Variants in MALRD1 observed in about 807,000 individuals in gnomAD.
MALRD1 encodes MAM and LDL-receptor class A domain-containing protein 1.
Under a neutral mutation model 242.1 loss-of-function variants are expected in MALRD1, and 247 were observed. The observed-to-expected ratio is 1.02, with a 90% confidence interval of 0.92 to 1.13. The LOEUF is 1.13. Ranked by LOEUF, MALRD1 falls within the 50% of genes most tolerant of loss-of-function variation. The probability of loss-of-function intolerance (pLI) is 0.00; values close to 1 mark genes in which losing one functional copy is unlikely to be tolerated. For missense variants in MALRD1, 2,989 were observed against 2,533.1 expected, an observed-to-expected ratio of 1.18 and a Z score of -3.86; for synonymous variants, 995 against 866.6, an observed-to-expected ratio of 1.15 and a Z score of -2.60.
At chr10:19,494,491 A>G (rs1589154910) in intron 30 of MALRD1, among the ~76,000 whole-genome samples, 1 of 152,166 alleles carries the variant, frequency 6.6e-6, no homozygotes, top group Non-Finnish European at 1.5e-5. Flanking sequence ...TACTATTGAG[A>G]TTCAGGAGGA....
At chr10:19,331,662 C>A in intron 24 of MALRD1, 80 bp downstream of exon 24, 1 of 1,162,086 alleles carries the variant, frequency 8.6e-7, no homozygotes. Context: ...ATTGTTGAAA[C>A]ATGCAGAGTG....
chr10:19,529,546 A>AG (rs71388844), intron 31 of MALRD1, among the ~76,000 whole-genome samples: 99,981 of 128,172 alleles, frequency 0.78, 38,424 homozygotes, highest in Non-Finnish European at 0.84. Flanking sequence ...AAAAAACAGG[A>AG]GGGGGGGGGA....
intron 21 of MALRD1, among the ~76,000 whole-genome samples, chr10:19,298,958 T>C (rs140611778): frequency 1.3e-5 from 2 of 151,948 alleles, no homozygotes; most frequent in African/African-American, 4.8e-5. Context: ...TAGAATTCTA[T>C]ACCTGGTAAA....
At chr10:19,527,873 C>T (rs939080023) in intron 31 of MALRD1, among the ~76,000 whole-genome samples, 3 of 152,250 alleles carry the variant, frequency 2.0e-5, no homozygotes, top group Admixed American at 6.5e-5. Flanking sequence ...TAGAAATTCT[C>T]AAGTGTGTAA....
chr10:19,445,968 T>C (rs1334081045), intron 28 of MALRD1, among the ~76,000 whole-genome samples: 1 of 152,134 alleles, frequency 6.6e-6, no homozygotes, highest in Non-Finnish European at 1.5e-5. Context: ...TCCTGGTCGC[T>C]TTGTTTACCT....
At chr10:19,329,885 A>C (rs1233007741) in intron 23 of MALRD1, among the ~76,000 whole-genome samples, 1 of 152,182 alleles carries the variant, frequency 6.6e-6, no homozygotes, top group Admixed American at 6.6e-5. Flanking sequence ...TGATTATTTG[A>C]ACAAGGCAAG....
At position 19,355,099 on chromosome 10, in the gene MALRD1, G is replaced by A. The variant is rs532170383; in HGVS notation, c.4441+2802G>A. 3.9e-5 allele frequency among the ~76,000 whole-genome samples: 6 copies of A among 152,148 alleles called. 1 individual carries two copies. In the South Asian group the frequency reaches 1.2e-3, roughly 32 times the overall value. On this transcript the variant is annotated intron_variant, in intron 26 of 39. Coordinates refer to ENST00000454679, the MANE Select transcript of MALRD1 (RefSeq NM_001142308.3). Reference sequence around the variant, plus strand: ...CAGGGGCAGTGGAATTTGAGCCCTGGAGGACCAGATAAAGGATATGGTTGT... The same window carrying A: ...CAGGGGCAGTGGAATTTGAGCCCTGAAGGACCAGATAAAGGATATGGTTGT...
intron 29 of MALRD1, among the ~76,000 whole-genome samples, chr10:19,456,790 T>TA (rs35828221): frequency 1.4e-5 from 2 of 145,068 alleles, no homozygotes; most frequent in Non-Finnish European, 2.9e-5. Flanking sequence ...TTTATTTATT[T>TA]TGAGACAGAG....
rs947322733 is a variant in MALRD1, at chr10:19,450,402, T to A, written c.4941T>A (p.Asn1647Lys). Residue 1647 changes from asparagine to lysine, a missense_variant, in exon 29 of 40, where the codon AAT becomes AAA. Asn to Lys is a moderately conservative substitution (Grantham distance 94). Coordinates refer to ENST00000454679, the MANE Select transcript of MALRD1 (RefSeq NM_001142308.3). ...KADILLGKLR[N>K]FEVIFQGIRT... Reference sequence around the variant, plus strand: ...ACATCCTGCTAGGAAAGTTAAGGAATTTTGAAGTCATATTTCAAGGTATCA... The same window carrying A: ...ACATCCTGCTAGGAAAGTTAAGGAAATTTGAAGTCATATTTCAAGGTATCA... 37 of 1,550,498 alleles carry A rather than the reference T, an allele frequency of 2.4e-5. No homozygotes were observed. The highest frequency in any genetic ancestry group is 3.2e-5 in the Non-Finnish European group (37 of 1,146,960).
chr10:19,564,549 A>G (rs1721804856), intron 32 of MALRD1, among the ~76,000 whole-genome samples: 2 of 152,038 alleles, frequency 1.3e-5, no homozygotes, highest in South Asian at 4.1e-4. Flanking sequence ...TAAAATGTTG[A>G]CAGTTAATAT....
chr10:19,699,449 G>A (rs1167403933), intron 38 of MALRD1, among the ~76,000 whole-genome samples: 1 of 152,036 alleles, frequency 6.6e-6, no homozygotes, highest in Non-Finnish European at 1.5e-5. Flanking sequence ...GGAACTGTAG[G>A]GTTGTTCAGG....
intron 2 of MALRD1, among the ~76,000 whole-genome samples, chr10:19,086,875 A>G (rs2358302): frequency 0.59 from 90,048 of 151,746 alleles, 27,812 homozygotes; most frequent in African/African-American, 0.78. Context: ...TGCTTATCTG[A>G]GAGGGAGAGT....
At chr10:19,702,392 A>G (rs1023044704) in intron 38 of MALRD1, among the ~76,000 whole-genome samples, 3 of 152,124 alleles carry the variant, frequency 2.0e-5, no homozygotes, top group Admixed American at 6.6e-5. Context: ...TACCAGGCAA[A>G]TATTTCCTGC....
intron 26 of MALRD1, among the ~76,000 whole-genome samples, chr10:19,352,717 G>T (rs543632636): frequency 6.6e-6 from 1 of 152,272 alleles, no homozygotes; most frequent in African/African-American, 2.4e-5. Context: ...CATGGACCAT[G>T]AGCATGCCAA....
intron 36 of MALRD1, among the ~76,000 whole-genome samples, chr10:19,684,038 CTGTTCCTG>C (rs2131801535): frequency 6.6e-6 from 1 of 152,276 alleles, no homozygotes; most frequent in African/African-American, 2.4e-5. Flanking sequence ...GTTTGGTTTT[CTGTTCCTG>C]TGTTCCTGTG....
At chr10:19,668,900 A>G (rs1926820) in intron 36 of MALRD1, among the ~76,000 whole-genome samples, 62,475 of 152,076 alleles carry the variant, frequency 0.41, 14,154 homozygotes, top group Non-Finnish European at 0.51. Flanking sequence ...GACCAGGGAG[A>G]AAATGGTAAA....
intron 21 of MALRD1, among the ~76,000 whole-genome samples, chr10:19,315,010 T>A (rs4300301): frequency 0.59 from 82,424 of 138,842 alleles, 25,165 homozygotes; most frequent in Middle Eastern, 0.63. Flanking sequence ...ATTTATATAA[T>A]TTATATAAAT....
intron 29 of MALRD1, among the ~76,000 whole-genome samples, chr10:19,469,570 ATAAG>A (rs1209769346): frequency 3.3e-5 from 5 of 152,154 alleles, no homozygotes; most frequent in Non-Finnish European, 7.4e-5. Context: ...TATTCCTAAA[ATAAG>A]TAAGAATTCC....
In MALRD1 at chr10:19,564,385, T is replaced by C. The variant is rs555841758; in HGVS notation, c.5479-3117T>C. Reference sequence around the variant, plus strand: ...TAGCAAGTTCTCTTTAAGTTTTTAATGTTCTACATTATAAGCAGTAGCTTT... The same window carrying C: ...TAGCAAGTTCTCTTTAAGTTTTTAACGTTCTACATTATAAGCAGTAGCTTT... On this transcript the variant is annotated intron_variant, in intron 32 of 39. Transcript: ENST00000454679. 2.6e-5 allele frequency among the ~76,000 whole-genome samples: 4 copies of C among 152,290 alleles called. No homozygotes were observed. The East Asian group carries it at 7.7e-4, about 29-fold the overall frequency.
Sources: gnomAD v4.1 joint callset for allele counts (sites outside exome capture counted in the v4.1 genomes callset) on GRCh38, gnomAD v4.1.1 for gene constraint, MANE v1.5 for transcripts, NCBI Gene and HGNC (gene_info 2026-07-23, HGNC 2026-07-21) for gene names.